ERC1: variants seen among roughly 807,000 people sequenced by gnomAD.
ERC1 encodes ELKS/RAB6-interacting/CAST family member 1.
A neutral mutation model predicts 132.0 loss-of-function variants in ERC1; 56 were observed. That is an observed-to-expected ratio of 0.42 (90% CI 0.34 to 0.53). The LOEUF is 0.53. Among genes scored for constraint, ERC1 ranks in the 20% least tolerant of loss-of-function variants. The probability of loss-of-function intolerance (pLI) is 0.03; values close to 1 mark genes in which losing one functional copy is unlikely to be tolerated. For missense variants in ERC1, 1,202 were observed against 1,349.9 expected, an observed-to-expected ratio of 0.89 and a Z score of 1.72; for synonymous variants, 478 against 476.1, an observed-to-expected ratio of 1.00 and a Z score of -0.05.
intron 2 of ERC1, among the ~76,000 whole-genome samples, chr12:1,032,521 T>C (rs1177394814): frequency 6.6e-6 from 1 of 152,206 alleles, no homozygotes; most frequent in Non-Finnish European, 1.5e-5. Flanking sequence ...CTCTTGTTCG[T>C]AATGATCATT....
chr12:1,118,761 T>C (rs1946727422), intron 7 of ERC1, among the ~76,000 whole-genome samples: 1 of 152,240 alleles, frequency 6.6e-6, no homozygotes. Flanking sequence ...GTTTCTATAA[T>C]TTGCTCTTAG....
intron 15 of ERC1, among the ~76,000 whole-genome samples, chr12:1,354,170 G>T (rs537577193): frequency 6.6e-6 from 1 of 152,022 alleles, no homozygotes; most frequent in Admixed American, 6.6e-5. Context: ...TTGCAGGACT[G>T]TCAGTACAAC....
intron 15 of ERC1, among the ~76,000 whole-genome samples, chr12:1,318,401 G>A (rs928675056): frequency 2.0e-5 from 3 of 152,150 alleles, no homozygotes; most frequent in African/African-American, 7.2e-5. Flanking sequence ...AAAAAATGTG[G>A]AACTGTTTTT....
intron 1 of ERC1, among the ~76,000 whole-genome samples, chr12:1,007,403 A>G (rs2154136150): frequency 6.6e-6 from 1 of 152,244 alleles, no homozygotes; most frequent in Middle Eastern, 3.4e-3. Flanking sequence ...TAAAGTAGTG[A>G]CAGTGGGGAT....
intron 2 of ERC1, among the ~76,000 whole-genome samples, chr12:1,050,443 A>G (rs186048284): frequency 5.1e-4 from 78 of 152,224 alleles, no homozygotes; most frequent in African/African-American, 1.8e-3. Flanking sequence ...GAGCTTTACT[A>G]TATGTGAATC....
At chr12:1,116,139 GT>G in intron 7 of ERC1, 106 bp downstream of exon 7, 1 of 945,670 alleles carries the variant, frequency 1.1e-6, no homozygotes, top group Non-Finnish European at 1.6e-6. Flanking sequence ...TATGAGTAAT[GT>G]TATGATTAAT....
intron 3 of ERC1, among the ~76,000 whole-genome samples, chr12:1,093,946 T>A (rs28703631): frequency 2.0e-5 from 2 of 97,746 alleles, no homozygotes; most frequent in Non-Finnish European, 4.2e-5. Context: ...TATATAAATA[T>A]ATATATTTTT....
intron 15 of ERC1, among the ~76,000 whole-genome samples, chr12:1,326,070 G>A (rs529590794): frequency 1.5e-4 from 23 of 152,202 alleles, no homozygotes; most frequent in East Asian, 3.9e-4. Flanking sequence ...TAAGTTAGTC[G>A]TCATCCTGGA....
At chr12:1,078,979 T>A (rs1593158570) in intron 2 of ERC1, among the ~76,000 whole-genome samples, 1 of 151,620 alleles carries the variant, frequency 6.6e-6, no homozygotes, top group Non-Finnish European at 1.5e-5. Flanking sequence ...TATACAAAGA[T>A]ACAGATAGAA....
chr12:1,429,021 T>A (rs1224764312), intron 17 of ERC1, among the ~76,000 whole-genome samples: 1 of 152,226 alleles, frequency 6.6e-6, no homozygotes. Flanking sequence ...GCTTGCTCTA[T>A]ACAATATTCA....
rs1592404458 is a variant in ERC1, at chr12:1,494,690, ACCT to A, written c.*4465_*4467del. ...GGGGAGCGGGTTTTTGTCCCATCCC[ACCT>A]CCTCTCTTCTTTCTCTGCTTGTCGA... On this transcript the variant is annotated 3_prime_UTR_variant, in exon 19 of 19. Transcript: ENST00000360905. 8.7e-6 allele frequency: 2 copies of A among 230,104 alleles called. No homozygotes were observed. Among genetic ancestry groups the A allele is most frequent in the Non-Finnish European group, 1.7e-5 (2 of 116,546 alleles). The allele number at this position is 230,104 out of a possible 1,614,324, so 14.3% of individuals were successfully genotyped here. A position where few individuals can be genotyped will look rare whatever the true frequency, so the allele number is the denominator to read the frequency against.
At chr12:1,270,929 G>A (rs1384723592) in intron 14 of ERC1, among the ~76,000 whole-genome samples, 2 of 152,078 alleles carry the variant, frequency 1.3e-5, no homozygotes, top group Non-Finnish European at 2.9e-5. Flanking sequence ...ATAATAATTT[G>A]TCCTTAACGG....
intron 16 of ERC1, among the ~76,000 whole-genome samples, chr12:1,387,266 T>C (rs541370913): frequency 6.6e-6 from 1 of 152,192 alleles, no homozygotes; most frequent in East Asian, 1.9e-4. Context: ...GGATTTAGAG[T>C]TGTGCCATAG....
chr12:1,482,953 T>C (rs1209980620), intron 18 of ERC1, among the ~76,000 whole-genome samples: 1 of 152,126 alleles, frequency 6.6e-6, no homozygotes, highest in Non-Finnish European at 1.5e-5. Flanking sequence ...CCCAAGCAGC[T>C]GCCACTCTTA....
intron 16 of ERC1, among the ~76,000 whole-genome samples, chr12:1,383,869 GAATT>G (rs1338059972): frequency 1.3e-5 from 2 of 152,136 alleles, no homozygotes; most frequent in Non-Finnish European, 2.9e-5. Flanking sequence ...TTCTTTATGT[GAATT>G]AATTCATTTA....
At chr12:1,166,272 G>A (rs1439176412) in intron 8 of ERC1, among the ~76,000 whole-genome samples, 2 of 152,122 alleles carry the variant, frequency 1.3e-5, no homozygotes, top group Admixed American at 6.6e-5. Flanking sequence ...TAAGTCTCAC[G>A]AGATCTGATG....
intron 1 of ERC1, among the ~76,000 whole-genome samples, chr12:1,025,283 C>G (rs746531881): frequency 6.6e-6 from 1 of 152,106 alleles, no homozygotes; most frequent in Non-Finnish European, 1.5e-5. Context: ...CATTTTTCCC[C>G]TTTATAACAC....
chr12:1,211,379 C>A (rs1405527127), intron 12 of ERC1, among the ~76,000 whole-genome samples: 1 of 152,072 alleles, frequency 6.6e-6, no homozygotes, highest in East Asian at 1.9e-4. Flanking sequence ...GAATTCCCAT[C>A]TCAGGTGATC....
chr12:1,141,786 A>C lies in ERC1; in HGVS notation c.1736A>C (p.Lys579Thr). 6.3e-7 allele frequency: 1 copy of C among 1,597,122 alleles called. No homozygotes were observed. The highest frequency in any genetic ancestry group is 8.5e-7 in the Non-Finnish European group (1 of 1,171,616). ...KERKVNVLQK[K>T]IENLQEQLRD... ...CGGAAGGTTAATGTTCTTCAGAAGA[A>C]GGTAAGGTACAGGTGTTTCGAGTTC... The change falls in exon 8 of 19, where the codon AAG (lysine) becomes ACG (threonine). Residue 579 changes from lysine to threonine, a missense_variant and splice_region_variant. Coordinates refer to ENST00000360905, the MANE Select transcript of ERC1 (RefSeq NM_178040.4).
Sources: gnomAD v4.1 joint callset for allele counts (sites outside exome capture counted in the v4.1 genomes callset) on GRCh38, gnomAD v4.1.1 for gene constraint, MANE v1.5 for transcripts, NCBI Gene and HGNC (gene_info 2026-07-23, HGNC 2026-07-21) for gene names.